The following CAMK1D variants were observed in gnomAD, a reference collection of about 807,000 sequenced individuals.
The protein encoded by CAMK1D is calcium/calmodulin dependent protein kinase ID, also known as calcium/calmodulin-dependent protein kinase type 1D.
A neutral mutation model predicts 47.7 loss-of-function variants in CAMK1D; 9 were observed. The observed-to-expected ratio is 0.19, with a 90% CI of 0.11 to 0.33. CAMK1D has a LOEUF of 0.33. Ranked by LOEUF, CAMK1D falls within the 10% of genes least tolerant of loss-of-function variation. CAMK1D has a pLI of 1.00. For synonymous variants in CAMK1D, 184 were observed against 184.9 expected, an observed-to-expected ratio of 0.99 and a Z score of 0.04; for missense variants, 291 against 488.7, an observed-to-expected ratio of 0.60 and a Z score of 3.81.
intron 1 of CAMK1D, among the ~76,000 whole-genome samples, chr10:12,534,864 G>A (rs1317202900): frequency 6.7e-6 from 1 of 150,218 alleles, no homozygotes; most frequent in East Asian, 1.9e-4. Context: ...AGAATGGCGA[G>A]TCATGTGTGA....
chr10:12,486,501 C>T (rs1013402154), intron 1 of CAMK1D, among the ~76,000 whole-genome samples: 3 of 149,832 alleles, frequency 2.0e-5, no homozygotes, highest in Admixed American at 6.7e-5. Flanking sequence ...AAATCATGCA[C>T]CATGTACCCA....
chr10:12,601,398 G>C (rs985535545), intron 2 of CAMK1D, among the ~76,000 whole-genome samples: 1 of 152,150 alleles, frequency 6.6e-6, no homozygotes, highest in East Asian at 1.9e-4. Flanking sequence ...GACCTGGCAC[G>C]TGTGTGGCCT....
At chr10:12,414,208 G>A (rs916629125) in intron 1 of CAMK1D, among the ~76,000 whole-genome samples, 10 of 152,314 alleles carry the variant, frequency 6.6e-5, no homozygotes, top group African/African-American at 2.4e-4. Flanking sequence ...TGGAGATGGC[G>A]AAATAGGAGG....
At chr10:12,358,184 C>G (rs566033677) in intron 1 of CAMK1D, among the ~76,000 whole-genome samples, 1 of 152,110 alleles carries the variant, frequency 6.6e-6, no homozygotes, top group South Asian at 2.1e-4. Flanking sequence ...ATGATGGTAC[C>G]ACTACACCCC....
At chr10:12,352,758 A>T (rs1399834114) in intron 1 of CAMK1D, among the ~76,000 whole-genome samples, 13 of 125,416 alleles carry the variant, frequency 1.0e-4, no homozygotes, top group South Asian at 2.5e-4. Flanking sequence ...TTTTTTTGAG[A>T]CGGAGTCTCA....
In CAMK1D at chr10:12,349,767, G is replaced by GCCGCGCCCCCGGCGC; in HGVS notation, c.-50_-49insGCGCCCCCGGCGCCC. Reference sequence around the variant, plus strand: ...TCTGCGCCCGCGCCGCGCCCCCGGCGCCCCCTCCCCAGCGCGCCCCCGGCC... The same window carrying GCCGCGCCCCCGGCGC: ...TCTGCGCCCGCGCCGCGCCCCCGGCGCCGCGCCCCCGGCGCCCCCCTCCCCAGCGCGCCCCCGGCC... On this transcript the variant is annotated 5_prime_UTR_variant, in exon 1 of 11. Transcript: ENST00000619168. 1 of 879,144 alleles carries GCCGCGCCCCCGGCGC rather than the reference G, an allele frequency of 1.1e-6. No individual in the cohort carries two copies. The allele number at this position is 879,144 out of a possible 1,614,324, so 54.5% of individuals were successfully genotyped here.
At chr10:12,355,526 C>T (rs763391057) in intron 1 of CAMK1D, among the ~76,000 whole-genome samples, 1 of 151,950 alleles carries the variant, frequency 6.6e-6, no homozygotes, top group Non-Finnish European at 1.5e-5. Flanking sequence ...AATGCACAAA[C>T]ACTCGAGGTG....
intron 2 of CAMK1D, among the ~76,000 whole-genome samples, chr10:12,592,488 C>T (rs868037601): frequency 2.0e-5 from 3 of 152,248 alleles, no homozygotes; most frequent in South Asian, 2.1e-4. Flanking sequence ...ACATGGCCAG[C>T]GTGGTATTTA....
intron 1 of CAMK1D, among the ~76,000 whole-genome samples, chr10:12,468,118 C>T (rs1312684070): frequency 2.9e-5 from 4 of 136,588 alleles, no homozygotes; most frequent in Non-Finnish European, 6.6e-5. Context: ...GGCAGTGGTG[C>T]CATCATGGCG....
chr10:12,394,112 C>A (rs536165999), intron 1 of CAMK1D, among the ~76,000 whole-genome samples: 1 of 152,190 alleles, frequency 6.6e-6, no homozygotes, highest in Non-Finnish European at 1.5e-5. Context: ...CACGTTTGAT[C>A]GTTTGCGATA....
chr10:12,584,268 T>A (rs1292019901), intron 2 of CAMK1D, among the ~76,000 whole-genome samples: 1 of 152,224 alleles, frequency 6.6e-6, no homozygotes. Flanking sequence ...AAAATGTGAT[T>A]CTCCAGGAAG....
chr10:12,590,314 C>G (rs1837959839), intron 2 of CAMK1D, among the ~76,000 whole-genome samples: 1 of 152,132 alleles, frequency 6.6e-6, no homozygotes. Context: ...ACCTCCTGGG[C>G]TCAAGCGATC....
intron 2 of CAMK1D, among the ~76,000 whole-genome samples, chr10:12,602,940 G>T (rs998680536): frequency 1.2e-4 from 6 of 50,190 alleles, no homozygotes; most frequent in African/African-American, 2.9e-4. Context: ...ACAGAGTCTC[G>T]CCCTGTTGCT....
intron 1 of CAMK1D, among the ~76,000 whole-genome samples, chr10:12,541,755 CT>C (rs1277834830): frequency 6.6e-6 from 1 of 152,142 alleles, no homozygotes; most frequent in Non-Finnish European, 1.5e-5. Context: ...TGATTCTGAT[CT>C]GGAACAATAG....
chr10:12,426,950 A>C (rs933848187), intron 1 of CAMK1D, among the ~76,000 whole-genome samples: 3 of 152,058 alleles, frequency 2.0e-5, no homozygotes, highest in African/African-American at 7.2e-5. Flanking sequence ...CCTGACTTCA[A>C]GTGATCCGCC....
At chr10:12,817,199 G>C (rs1832835308) in intron 8 of CAMK1D, among the ~76,000 whole-genome samples, 1 of 152,138 alleles carries the variant, frequency 6.6e-6, no homozygotes, top group African/African-American at 2.4e-5. Flanking sequence ...ATGAGATTTG[G>C]GTGGGGACAG....
intron 1 of CAMK1D, among the ~76,000 whole-genome samples, chr10:12,549,930 T>A (rs564627041): frequency 1.3e-5 from 2 of 152,288 alleles, no homozygotes; most frequent in East Asian, 1.9e-4. Flanking sequence ...TCTCACTGTT[T>A]CCTCCAAGCG....
chr10:12,503,113 C>T (rs1436164720), intron 1 of CAMK1D, among the ~76,000 whole-genome samples: 3 of 152,048 alleles, frequency 2.0e-5, no homozygotes, highest in Non-Finnish European at 2.9e-5. Context: ...CATGTACCTA[C>T]GTGTGTACAC....
At chr10:12,620,349 T>C (rs1289631963) in intron 2 of CAMK1D, among the ~76,000 whole-genome samples, 1 of 152,232 alleles carries the variant, frequency 6.6e-6, no homozygotes, top group Non-Finnish European at 1.5e-5. Context: ...AGAAACTGTT[T>C]GGCACCGTGT....
Sources: gnomAD v4.1 joint callset for allele counts (sites outside exome capture counted in the v4.1 genomes callset) on GRCh38, gnomAD v4.1.1 for gene constraint, MANE v1.5 for transcripts, NCBI Gene and HGNC (gene_info 2026-07-23, HGNC 2026-07-21) for gene names.